FCHSD2: variants seen among roughly 807,000 people sequenced by gnomAD.
The protein encoded by FCHSD2 is FCH and double SH3 domains 2.
In FCHSD2, 38 loss-of-function variants were observed where a neutral mutation model predicts 108.1. The ratio of observed to expected loss-of-function variants is 0.35; its 90% CI spans 0.27 to 0.46. The LOEUF (loss-of-function observed/expected upper bound fraction) is 0.46, where lower values mean the gene tolerates loss of function less well. Among genes scored for constraint, FCHSD2 ranks in the 20% least tolerant of loss-of-function variants. FCHSD2 has a pLI of 1.00. For missense variants in FCHSD2, 751 were observed against 897.8 expected (o/e 0.84, Z 2.09); for synonymous variants, 279 against 314.7 (o/e 0.89, Z 1.20).
chr11:73,093,664 C>T (rs557715470), intron 2 of FCHSD2, among the ~76,000 whole-genome samples: 50 of 152,040 alleles, frequency 3.3e-4, no homozygotes, highest in African/African-American at 9.6e-4. Flanking sequence ...TGCAATGACG[C>T]GGTCTTGGCT....
intron 4 of FCHSD2, among the ~76,000 whole-genome samples, chr11:73,014,760 T>C (rs1483583662): frequency 4.6e-5 from 7 of 152,164 alleles, no homozygotes. Flanking sequence ...CTGAGGTCAC[T>C]GACTTCTGGG....
At chr11:73,065,692 A>C (rs1859274137) in intron 3 of FCHSD2, among the ~76,000 whole-genome samples, 1 of 152,224 alleles carries the variant, frequency 6.6e-6, no homozygotes, top group Non-Finnish European at 1.5e-5. Context: ...TGCAAAAATC[A>C]TAAGCATTCC....
At chr11:72,992,798 A>G (rs1229050403) in intron 5 of FCHSD2, among the ~76,000 whole-genome samples, 1 of 152,256 alleles carries the variant, frequency 6.6e-6, no homozygotes, top group East Asian at 1.9e-4. Context: ...CTAAAACCAT[A>G]AAAACCCTAG....
chr11:73,079,860 C>A (rs982277413), intron 3 of FCHSD2, among the ~76,000 whole-genome samples: 2 of 152,008 alleles, frequency 1.3e-5, no homozygotes, highest in African/African-American at 4.8e-5. Flanking sequence ...CAAGCAGAGA[C>A]ACACTGGAGT....
chr11:73,072,306 T>C (rs1294600770), intron 3 of FCHSD2, among the ~76,000 whole-genome samples: 2 of 151,914 alleles, frequency 1.3e-5, no homozygotes, highest in Admixed American at 1.3e-4. Context: ...TGCTACCGAA[T>C]AGCCATGAAA....
intron 2 of FCHSD2, among the ~76,000 whole-genome samples, chr11:73,135,629 T>C (rs774906455): frequency 1.3e-5 from 2 of 152,210 alleles, no homozygotes; most frequent in Non-Finnish European, 2.9e-5. Flanking sequence ...ACTCTACTTG[T>C]CTACTGCTGA....
intron 8 of FCHSD2, among the ~76,000 whole-genome samples, chr11:72,975,899 T>C (rs1199034193): frequency 6.6e-6 from 1 of 152,230 alleles, no homozygotes; most frequent in Non-Finnish European, 1.5e-5. Flanking sequence ...TGACGTTTGT[T>C]CTCTTTTCTA....
At chr11:73,049,604 C>A (rs1326744879) in intron 3 of FCHSD2, among the ~76,000 whole-genome samples, 1 of 149,068 alleles carries the variant, frequency 6.7e-6, no homozygotes, top group Non-Finnish European at 1.5e-5. Context: ...TTAGTGGGTG[C>A]AGCGCACCAG....
At chr11:72,942,091 C>T (rs967030911) in intron 8 of FCHSD2, among the ~76,000 whole-genome samples, 2 of 152,138 alleles carry the variant, frequency 1.3e-5, no homozygotes, top group Admixed American at 1.3e-4. Flanking sequence ...TGGAGGTGGG[C>T]CTAGCAGGGG....
intron 9 of FCHSD2, among the ~76,000 whole-genome samples, 161 bp downstream of exon 9, chr11:72,921,667 A>G (rs1855977833): frequency 6.6e-6 from 1 of 152,240 alleles, no homozygotes; most frequent in African/African-American, 2.4e-5. Context: ...AACAAGGAGA[A>G]CAGAATCTCC....
intron 2 of FCHSD2, among the ~76,000 whole-genome samples, chr11:73,099,096 G>A (rs928474745): frequency 6.6e-6 from 1 of 150,608 alleles, no homozygotes; most frequent in Admixed American, 6.6e-5. Flanking sequence ...CATGCCTATT[G>A]TCCCAGCTAC....
rs536335769 is a variant in FCHSD2 at position 73,083,822 on chromosome 11, G to T, written c.120-82C>A. 3.0e-5 allele frequency: 26 copies of T among 871,908 alleles called. No homozygotes were observed. In the African/African-American group the frequency reaches 3.8e-4, roughly 13 times the overall value. The allele number at this position is 871,908 out of a possible 1,614,324, so 54.0% of individuals were successfully genotyped here. On this transcript the variant is annotated intron_variant, in intron 2 of 19. Transcript: ENST00000409418. ...ATCTATCAACACACCTTCAAATACTGCCTGGTTAAGATATGTGAGGGAAAG... is the reference window on the plus strand; with the variant it reads ...ATCTATCAACACACCTTCAAATACTTCCTGGTTAAGATATGTGAGGGAAAG...
intron 5 of FCHSD2, among the ~76,000 whole-genome samples, chr11:72,989,328 T>C (rs1382696956): frequency 2.0e-5 from 3 of 152,120 alleles, no homozygotes; most frequent in African/African-American, 7.2e-5. Context: ...AACCATACAT[T>C]GAGAAATAAC....
At chr11:72,983,059 C>A (rs1006429882) in intron 8 of FCHSD2, among the ~76,000 whole-genome samples, 4 of 152,006 alleles carry the variant, frequency 2.6e-5, no homozygotes, top group Non-Finnish European at 4.4e-5. Context: ...CTTTGGGAGG[C>A]TGAGGCGGGC....
chr11:72,923,481 T>G (rs1382325452), intron 8 of FCHSD2, among the ~76,000 whole-genome samples: 2 of 152,228 alleles, frequency 1.3e-5, no homozygotes, highest in Admixed American at 6.5e-5. Context: ...TTTGGTATTT[T>G]TTTTTTAAAT....
intron 6 of FCHSD2, among the ~76,000 whole-genome samples, chr11:72,985,805 A>G (rs1431227700): frequency 6.6e-6 from 1 of 152,114 alleles, no homozygotes; most frequent in Non-Finnish European, 1.5e-5. Context: ...AAACATGTTG[A>G]TTTTACCCAA....
intron 2 of FCHSD2, among the ~76,000 whole-genome samples, chr11:73,120,831 CAA>C (rs753347324): frequency 6.5e-5 from 8 of 123,830 alleles, no homozygotes; most frequent in Admixed American, 2.4e-4. Context: ...GAAGATATAC[CAA>C]AAAAAAAAAA....
At chr11:72,992,637 G>C (rs1218613341) in intron 5 of FCHSD2, among the ~76,000 whole-genome samples, 1 of 152,088 alleles carries the variant, frequency 6.6e-6, no homozygotes, top group Non-Finnish European at 1.5e-5. Flanking sequence ...TGACAAACCT[G>C]ACAAAAACAA....
intron 2 of FCHSD2, among the ~76,000 whole-genome samples, chr11:73,091,512 G>A (rs1380030253): frequency 6.6e-6 from 1 of 151,974 alleles, no homozygotes; most frequent in Non-Finnish European, 1.5e-5. Context: ...TCATGCCACT[G>A]CACTCCAGCC....
Sources: allele counts gnomAD v4.1 joint callset (sites outside exome capture counted in the v4.1 genomes callset), GRCh38; gene constraint gnomAD v4.1.1; transcripts MANE v1.5; gene names NCBI Gene and HGNC (gene_info 2026-07-23, HGNC 2026-07-21).